The following GRM7 variants were observed in gnomAD, a reference collection of about 807,000 sequenced individuals.
The protein encoded by GRM7 is glutamate metabotropic receptor 7.
GRM7 carries 35 observed loss-of-function variants against 84.5 expected under a neutral mutation model. The ratio of observed to expected loss-of-function variants is 0.41; its 90% CI spans 0.32 to 0.55. GRM7 has a LOEUF of 0.55. Among genes scored for constraint, GRM7 ranks in the 20% least tolerant of loss-of-function variants. GRM7 has a pLI of 0.19. For missense variants in GRM7, 1,003 were observed against 1,194.6 expected, an observed-to-expected ratio of 0.84 and a Z score of 2.36; for synonymous variants, 487 against 455.1, an observed-to-expected ratio of 1.07 and a Z score of -0.89.
chr3:7,655,117 T>C (rs892304796), intron 8 of GRM7, among the ~76,000 whole-genome samples: 1 of 152,138 alleles, frequency 6.6e-6, no homozygotes, highest in African/African-American at 2.4e-5. Context: ...CACAGGGACA[T>C]CTGTGGTGGG....
rs74954169 is a variant in GRM7, at chr3:7,253,802, T to G, written c.737-44882T>G. Among the ~76,000 whole-genome samples, 1,384 of 152,060 alleles carry G rather than the reference T, an allele frequency of 9.1e-3. 23 individuals are homozygous for G. Among genetic ancestry groups the G allele is most frequent in the East Asian group, 0.082 (422 of 5,142 alleles). Reference sequence around the variant, plus strand: ...GATGCAAGCAGGTAGACTGCAGAGGTGGGGCTTTTAAACTGTTCTGAATGA... The same window carrying G: ...GATGCAAGCAGGTAGACTGCAGAGGGGGGGCTTTTAAACTGTTCTGAATGA... On this transcript the variant is annotated intron_variant, in intron 2 of 9. Coordinates refer to ENST00000357716, the MANE Select transcript of GRM7 (RefSeq NM_000844.4).
intron 2 of GRM7, among the ~76,000 whole-genome samples, chr3:7,193,501 G>A (rs1695782547): frequency 6.6e-6 from 1 of 152,110 alleles, no homozygotes; most frequent in Non-Finnish European, 1.5e-5. Context: ...TGTTTCTTGT[G>A]AGAATCTGAT....
intron 9 of GRM7, among the ~76,000 whole-genome samples, chr3:7,733,621 C>G (rs1371915426): frequency 6.6e-6 from 1 of 152,204 alleles, no homozygotes; most frequent in African/African-American, 2.4e-5. Context: ...GAATGCAGCT[C>G]AGAAGGTCTC....
At chr3:7,483,002 A>G (rs1427783429) in intron 7 of GRM7, among the ~76,000 whole-genome samples, 1 of 152,194 alleles carries the variant, frequency 6.6e-6, no homozygotes, top group Non-Finnish European at 1.5e-5. Context: ...TAACAATTTT[A>G]AGCTGTGTGT....
intron 1 of GRM7, among the ~76,000 whole-genome samples, chr3:6,900,658 T>A (rs1413583080): frequency 6.6e-6 from 1 of 152,140 alleles, no homozygotes; most frequent in Non-Finnish European, 1.5e-5. Context: ...TAAAAGGGAA[T>A]GTGTTGGCTG....
chr3:6,883,802 G>GCA (rs1695594957), intron 1 of GRM7, among the ~76,000 whole-genome samples: 2 of 152,178 alleles, frequency 1.3e-5, no homozygotes, highest in Admixed American at 6.6e-5. Flanking sequence ...TGAGGATCCT[G>GCA]CTTATAGAAT....
intron 2 of GRM7, among the ~76,000 whole-genome samples, chr3:7,281,936 A>G (rs1171891134): frequency 6.6e-6 from 1 of 152,206 alleles, no homozygotes; most frequent in Non-Finnish European, 1.5e-5. Context: ...AGAAGAAATT[A>G]GCCGGGCGTG....
rs1177868333 is a variant in GRM7, at chr3:7,096,744, T to C, written c.520-49708T>C. 3.9e-5 allele frequency among the ~76,000 whole-genome samples: 6 copies of C among 152,246 alleles called. No homozygotes were observed. The East Asian group carries it at 1.2e-3, about 30-fold the overall frequency. On this transcript the variant is annotated intron_variant, in intron 1 of 9. Transcript: ENST00000357716. Reference sequence around the variant, plus strand: ...GTTCTTTCTGTTGACCAATCCCATATGAAAGCTGTTTAAGGGCCTATCAGA... The same window carrying C: ...GTTCTTTCTGTTGACCAATCCCATACGAAAGCTGTTTAAGGGCCTATCAGA...
chr3:7,023,576 CT>C (rs796719402), intron 1 of GRM7, among the ~76,000 whole-genome samples: 8 of 152,228 alleles, frequency 5.3e-5, no homozygotes, highest in African/African-American at 1.9e-4. Flanking sequence ...AGTTTATTTC[CT>C]TACAGGTCTG....
rs747106875 is a variant in GRM7, at chr3:7,579,150, G to A, written c.2244G>A (p.Lys748=). The change falls in exon 8 of 10, where the codon AAG becomes AAA. Residue 748 remains lysine (K), a synonymous_variant. Coordinates refer to ENST00000357716, the MANE Select transcript of GRM7 (RefSeq NM_000844.4). ...CTGAGCAAGCCAGAGGGGTTCTCAA[G>A]TGTGACATTACAGATCTCCAAATCA... ...MNPEQARGVL[K]CDITDLQIIC... 33 of 1,613,684 alleles carry A rather than the reference G, an allele frequency of 2.0e-5. No individual in the cohort carries two copies. Among genetic ancestry groups the A allele is most frequent in the African/African-American group, 4.0e-5 (3 of 74,898 alleles).
At chr3:7,301,639 A>G (rs927273576) in intron 3 of GRM7, among the ~76,000 whole-genome samples, 6 of 150,364 alleles carry the variant, frequency 4.0e-5, no homozygotes, top group African/African-American at 7.3e-5. Context: ...ATGATATTCA[A>G]TAATTATACC....
chr3:6,889,878 G>T (rs962260477), intron 1 of GRM7, among the ~76,000 whole-genome samples: 21 of 152,250 alleles, frequency 1.4e-4, no homozygotes, highest in African/African-American at 4.8e-4. Flanking sequence ...CTTTTTGGTT[G>T]GTAAGCTATT....
chr3:7,692,066 A>G (rs1006263681), intron 9 of GRM7, among the ~76,000 whole-genome samples: 25 of 152,144 alleles, frequency 1.6e-4, no homozygotes, highest in African/African-American at 5.6e-4. Flanking sequence ...ATTGCCAATA[A>G]AGTCAGGCAA....
At chr3:7,655,225 T>G (rs1331780646) in intron 8 of GRM7, among the ~76,000 whole-genome samples, 1 of 152,068 alleles carries the variant, frequency 6.6e-6, no homozygotes, top group Non-Finnish European at 1.5e-5. Flanking sequence ...CTAAATGAGA[T>G]GTATAGTTGA....
intron 2 of GRM7, among the ~76,000 whole-genome samples, chr3:7,204,357 T>C (rs1363503381): frequency 6.6e-6 from 1 of 152,216 alleles, no homozygotes; most frequent in Non-Finnish European, 1.5e-5. Context: ...AGAGCATCTC[T>C]TTTTCATGCC....
intron 7 of GRM7, among the ~76,000 whole-genome samples, chr3:7,469,944 T>A (rs2124921901): frequency 6.6e-6 from 1 of 152,330 alleles, no homozygotes; most frequent in East Asian, 1.9e-4. Flanking sequence ...ATATTTTAAA[T>A]GTCAGGAAAT....
intron 1 of GRM7, among the ~76,000 whole-genome samples, chr3:7,123,811 C>T (rs534507701): frequency 1.1e-4 from 16 of 152,260 alleles, no homozygotes; most frequent in Admixed American, 9.8e-4. Flanking sequence ...GTGAAATTCT[C>T]ACTTTGCCTC....
intron 2 of GRM7, among the ~76,000 whole-genome samples, chr3:7,152,861 C>T (rs971737143): frequency 6.6e-6 from 1 of 152,174 alleles, no homozygotes; most frequent in African/African-American, 2.4e-5. Context: ...GTCAGATATT[C>T]ATGTTCCTAG....
intron 4 of GRM7, among the ~76,000 whole-genome samples, chr3:7,391,976 G>A (rs1020541835): frequency 1.3e-5 from 2 of 152,148 alleles, no homozygotes; most frequent in Non-Finnish European, 2.9e-5. Context: ...GGGTTGGCAA[G>A]AGATAACCCC....
Sources: allele counts gnomAD v4.1 joint callset (sites outside exome capture counted in the v4.1 genomes callset), GRCh38; gene constraint gnomAD v4.1.1; transcripts MANE v1.5; gene names NCBI Gene and HGNC (gene_info 2026-07-23, HGNC 2026-07-21).